DLGAP2: variants seen among roughly 807,000 people sequenced by gnomAD.
DLGAP2 encodes DLG associated protein 2.
Under a neutral mutation model 100.3 loss-of-function variants are expected in DLGAP2, and 26 were observed. The ratio of observed to expected loss-of-function variants is 0.26; its 90% CI spans 0.19 to 0.36. The LOEUF (loss-of-function observed/expected upper bound fraction) is 0.36, where lower values mean the gene tolerates loss of function less well. DLGAP2 is among the 10% of genes least tolerant of loss of function. The pLI is 1.00. For synonymous variants in DLGAP2, 886 were observed against 630.1 expected (o/e 1.41, Z -6.08); for missense variants, 1,858 against 1,453.2 (o/e 1.28, Z -4.53).
intron 3 of DLGAP2, among the ~76,000 whole-genome samples, chr8:1,383,832 A>C (rs933638466): frequency 4.6e-5 from 7 of 152,244 alleles, no homozygotes; most frequent in African/African-American, 1.7e-4. Context: ...ACTTTCCAGC[A>C]GAGTAAACTA....
intron 3 of DLGAP2, among the ~76,000 whole-genome samples, chr8:1,321,598 G>A (rs1054413394): frequency 1.3e-5 from 2 of 152,208 alleles, no homozygotes; most frequent in African/African-American, 4.8e-5. Flanking sequence ...GCGGATAATT[G>A]CTTTTACATC....
At chr8:1,547,859 G>T (rs1801596267) in intron 4 of DLGAP2, among the ~76,000 whole-genome samples, 1 of 152,196 alleles carries the variant, frequency 6.6e-6, no homozygotes, top group Non-Finnish European at 1.5e-5. Flanking sequence ...CATCCTCACT[G>T]GCCTGTAAGG....
At chr8:1,143,387 A>G (rs1037855164) in intron 2 of DLGAP2, among the ~76,000 whole-genome samples, 2 of 152,144 alleles carry the variant, frequency 1.3e-5, no homozygotes, top group African/African-American at 4.8e-5. Context: ...CACTCTGAGT[A>G]TCTCCCCTTA....
intron 3 of DLGAP2, among the ~76,000 whole-genome samples, chr8:1,490,093 T>C (rs1259283268): frequency 1.3e-5 from 2 of 152,148 alleles, no homozygotes; most frequent in Non-Finnish European, 2.9e-5. Context: ...GGTTTCACTA[T>C]GTTGGCCAGG....
chr8:1,085,214 C>G (rs1050109088), intron 2 of DLGAP2, among the ~76,000 whole-genome samples: 1 of 152,118 alleles, frequency 6.6e-6, no homozygotes. Flanking sequence ...TGGATAATTT[C>G]TTTTCTTTCT....
chr8:1,458,013 T>TATA (rs1798368413), intron 3 of DLGAP2, among the ~76,000 whole-genome samples: 1 of 133,954 alleles, frequency 7.5e-6, no homozygotes, highest in African/African-American at 2.7e-5. Context: ...TATATATATA[T>TATA]AATTTTTTAT....
intron 3 of DLGAP2, among the ~76,000 whole-genome samples, chr8:1,456,910 T>G (rs1344638210): frequency 6.7e-6 from 1 of 150,122 alleles, no homozygotes; most frequent in Non-Finnish European, 1.5e-5. Flanking sequence ...GCCCGGTGCC[T>G]GCCCTCCGGC....
intron 6 of DLGAP2, among the ~76,000 whole-genome samples, chr8:1,582,133 ATAAAACCCCACACATGTACACACCACAGT>A (rs1803296881): frequency 6.6e-6 from 1 of 151,374 alleles, no homozygotes; most frequent in African/African-American, 2.4e-5. Flanking sequence ...AAGGATACAG[ATAAAACCCCACACATGTACACACCACAGT>A]CAAACTACCA....
intron 3 of DLGAP2, among the ~76,000 whole-genome samples, chr8:1,327,097 G>T (rs1440096613): frequency 1.3e-5 from 2 of 152,256 alleles, no homozygotes; most frequent in African/African-American, 2.4e-5. Context: ...ACGTGGCCCA[G>T]CCGTCTCCTG....
At chr8:1,378,949 G>C (rs1196113677) in intron 3 of DLGAP2, among the ~76,000 whole-genome samples, 2 of 152,166 alleles carry the variant, frequency 1.3e-5, no homozygotes, top group South Asian at 2.1e-4. Flanking sequence ...TCTAGCTCAG[G>C]GTAGCTCATT....
rs1174363602 is a variant in DLGAP2 at position 1,201,700 on chromosome 8, C to T, written c.74-57151C>T. ...GTGACGTGGTCCAGGCCGTGGGATC[C>T]AGTGAATGGAGCTTGACCCAGAGCA... On this transcript the variant is annotated intron_variant, in intron 2 of 14. Coordinates refer to ENST00000637795, the MANE Select transcript of DLGAP2 (RefSeq NM_001346810.2). Among the ~76,000 whole-genome samples, 8 of 152,208 alleles carry T rather than the reference C, an allele frequency of 5.3e-5. No individual in the cohort carries two copies. The East Asian group carries it at 1.2e-3, about 22-fold the overall frequency.
chr8:1,301,156 A>G (rs1179704343), intron 3 of DLGAP2: 2 of 152,372 alleles, frequency 1.3e-5, no homozygotes, highest in Non-Finnish European at 1.5e-5. Context: ...TGGTTAGCCA[A>G]GTCCTTCTGG....
chr8:1,190,950 C>A (rs1200619283), intron 2 of DLGAP2, among the ~76,000 whole-genome samples: 3 of 152,108 alleles, frequency 2.0e-5, no homozygotes, highest in Non-Finnish European at 4.4e-5. Flanking sequence ...TGCGACATCC[C>A]CAGCAGCGCA....
intron 6 of DLGAP2, among the ~76,000 whole-genome samples, chr8:1,598,042 A>G (rs956283917): frequency 1.3e-5 from 2 of 152,190 alleles, no homozygotes; most frequent in Non-Finnish European, 2.9e-5. Flanking sequence ...CTTCACATCA[A>G]TACCTAGTTT....
chr8:1,676,491 C>T (rs1231197569), intron 10 of DLGAP2, 42 bp from the exon 11 acceptor site: 2 of 1,582,646 alleles, frequency 1.3e-6, no homozygotes, highest in Non-Finnish European at 1.7e-6. Context: ...TGCCCAGGCC[C>T]CATGTTTCAG....
rs780407402 is a variant in DLGAP2, at chr8:1,668,665, C to T, written c.2147C>T (p.Ser716Phe). The change falls in exon 9 of 15, where the codon TCC becomes TTC. Residue 716 changes from serine (S) to phenylalanine (F), a missense_variant. Coordinates refer to ENST00000637795, the MANE Select transcript of DLGAP2 (RefSeq NM_001346810.2). ...AEELLKSRCSSIGIQDSEFPE... is the reference protein window; with the variant it reads ...AEELLKSRCSFIGIQDSEFPE... ...GAGCTCCTCAAGAGCCGCTGCTCCTCCATCGGGATTCAGGTAGCTGCTCTT... is the reference window on the plus strand; with the variant it reads ...GAGCTCCTCAAGAGCCGCTGCTCCTTCATCGGGATTCAGGTAGCTGCTCTT... 27 of 1,557,950 alleles carry T rather than the reference C, an allele frequency of 1.7e-5. No homozygotes were observed. In the Middle Eastern group the frequency reaches 1.2e-3, roughly 68 times the overall value.
intron 4 of DLGAP2, among the ~76,000 whole-genome samples, chr8:1,507,092 C>G (rs1421418493): frequency 6.6e-6 from 1 of 152,246 alleles, no homozygotes; most frequent in Non-Finnish European, 1.5e-5. Context: ...ACTCAGGAGC[C>G]CAGCTGGCTT....
chr8:1,487,511 AG>A (rs1215347153), intron 3 of DLGAP2, among the ~76,000 whole-genome samples: 9 of 152,236 alleles, frequency 5.9e-5, no homozygotes, highest in African/African-American at 2.2e-4. Context: ...TCCATTCTGT[AG>A]GACAACTGAA....
chr8:1,191,765 C>T (rs1046051784), intron 2 of DLGAP2, among the ~76,000 whole-genome samples: 3 of 152,186 alleles, frequency 2.0e-5, no homozygotes, highest in Non-Finnish European at 4.4e-5. Flanking sequence ...TTTCCTTCTT[C>T]CAGGGGTCCT....
Sources: allele counts gnomAD v4.1 joint callset (sites outside exome capture counted in the v4.1 genomes callset), GRCh38; gene constraint gnomAD v4.1.1; transcripts MANE v1.5; gene names NCBI Gene and HGNC (gene_info 2026-07-23, HGNC 2026-07-21).